Variants in ZNF148 observed in about 807,000 individuals in gnomAD.
The protein encoded by ZNF148 is Beta-Enolase Repressor Factor-1.
In ZNF148, 7 loss-of-function variants were observed where a neutral mutation model predicts 67.7. The ratio of observed to expected loss-of-function variants is 0.10; its 90% CI spans 0.06 to 0.19. The LOEUF is 0.19. Ranked by LOEUF, ZNF148 falls within the 10% of genes least tolerant of loss-of-function variation. The pLI is 1.00. For synonymous variants in ZNF148, 333 were observed against 330.7 expected (o/e 1.01, Z -0.08); for missense variants, 583 against 947.1 (o/e 0.62, Z 5.05).
At chr3:125,295,452 C>CAAA (rs547952369) in intron 4 of ZNF148, among the ~76,000 whole-genome samples, 1 of 130,304 alleles carries the variant, frequency 7.7e-6, no homozygotes, top group Non-Finnish European at 1.6e-5. Context: ...GACTCCATCT[C>CAAA]AAAAAAAAAA....
rs574003390 is a variant in ZNF148, at chr3:125,301,313, C to T, written c.333+11995G>A. On this transcript the variant is annotated intron_variant, in intron 4 of 8. Coordinates refer to ENST00000360647, the MANE Select transcript of ZNF148 (RefSeq NM_021964.3). ...TTTGAGACCAGCCTGGGTAACACAGCGAGACCCCATCACTATTAATAAAAT... is the reference window on the plus strand; with the variant it reads ...TTTGAGACCAGCCTGGGTAACACAGTGAGACCCCATCACTATTAATAAAAT... 5.5e-4 allele frequency among the ~76,000 whole-genome samples: 83 copies of T among 152,152 alleles called. 1 individual carries two copies. Among genetic ancestry groups the T allele is most frequent in the Non-Finnish European group, 7.9e-4 (54 of 68,004 alleles).
chr3:125,345,585 A>AACG (rs1941910725), intron 1 of ZNF148, among the ~76,000 whole-genome samples: 1 of 151,450 alleles, frequency 6.6e-6, no homozygotes, highest in South Asian at 2.1e-4. Context: ...CAAAACTAAC[A>AACG]ACAACAACAA....
intron 7 of ZNF148, among the ~76,000 whole-genome samples, chr3:125,265,490 C>T (rs1937513892): frequency 6.6e-6 from 1 of 152,242 alleles, no homozygotes; most frequent in Non-Finnish European, 1.5e-5. Context: ...AGTCCATTGT[C>T]TATTTCTCCT....
intron 1 of ZNF148, among the ~76,000 whole-genome samples, chr3:125,362,379 C>T (rs576066237): frequency 1.3e-5 from 2 of 152,186 alleles, no homozygotes; most frequent in Admixed American, 1.3e-4. Flanking sequence ...AACTAAACTT[C>T]TTTAATCAAT....
chr3:125,272,604 T>G (rs1348267857), intron 7 of ZNF148, among the ~76,000 whole-genome samples: 2 of 143,042 alleles, frequency 1.4e-5, no homozygotes, highest in East Asian at 3.9e-4. Flanking sequence ...TTTAATATTT[T>G]TATATATATC....
At chr3:125,319,211 A>G (rs1204524596) in intron 3 of ZNF148, among the ~76,000 whole-genome samples, 3 of 152,240 alleles carry the variant, frequency 2.0e-5, no homozygotes, top group Non-Finnish European at 4.4e-5. Context: ...CTTCTAATTT[A>G]ATGTTTCTAA....
At position 125,236,822 on chromosome 3, in the gene ZNF148, A is replaced by G. The variant is rs1026152388; in HGVS notation, c.668-2493T>C. 1.2e-4 allele frequency among the ~76,000 whole-genome samples: 18 copies of G among 152,162 alleles called. 1 individual carries two copies. Reference sequence around the variant, plus strand: ...AATTAGTACAGAATAGCTCACTTGTATACAATGGGGCTCCAAGTAAGGGTT... The same window carrying G: ...AATTAGTACAGAATAGCTCACTTGTGTACAATGGGGCTCCAAGTAAGGGTT... On this transcript the variant is annotated intron_variant, in intron 7 of 8. Coordinates refer to ENST00000360647, the MANE Select transcript of ZNF148 (RefSeq NM_021964.3).
chr3:125,328,401 T>A (rs1941122913), intron 2 of ZNF148, among the ~76,000 whole-genome samples: 1 of 152,156 alleles, frequency 6.6e-6, no homozygotes, highest in Non-Finnish European at 1.5e-5. Flanking sequence ...GACAAGAGGC[T>A]CACAAAGAAA....
intron 4 of ZNF148, among the ~76,000 whole-genome samples, chr3:125,305,191 A>T (rs1268591648): frequency 6.6e-6 from 1 of 152,240 alleles, no homozygotes; most frequent in Non-Finnish European, 1.5e-5. Context: ...AATAAAACTC[A>T]GGTGCTGCCT....
intron 1 of ZNF148, among the ~76,000 whole-genome samples, chr3:125,352,663 A>T (rs896641150): frequency 1.1e-4 from 1 of 8,776 alleles, no homozygotes; most frequent in Non-Finnish European, 2.3e-4. Flanking sequence ...CCTCTATCTT[A>T]AAAAAAAAAA....
chr3:125,357,980 ATC>A (rs544534845), intron 1 of ZNF148, among the ~76,000 whole-genome samples: 2 of 152,142 alleles, frequency 1.3e-5, no homozygotes, highest in Admixed American at 1.3e-4. Context: ...TCTCTAAACC[ATC>A]TTTCCATTTT....
intron 7 of ZNF148, among the ~76,000 whole-genome samples, chr3:125,243,527 T>A (rs567951037): frequency 1.3e-5 from 2 of 152,280 alleles, no homozygotes; most frequent in South Asian, 4.1e-4. Context: ...TGTTTCTGAT[T>A]CTTTTTTTTG....
intron 2 of ZNF148, among the ~76,000 whole-genome samples, chr3:125,330,465 C>CA (rs200643048): frequency 0.011 from 1,274 of 118,240 alleles, 12 homozygotes; most frequent in Non-Finnish European, 0.014. Flanking sequence ...AACCCTATCT[C>CA]AAAAAAAAAA....
At chr3:125,317,679 A>AGAGAGAGAGAGAGAGAGAGAG (rs61407940) in intron 3 of ZNF148, among the ~76,000 whole-genome samples, 32 of 114,762 alleles carry the variant, frequency 2.8e-4, no homozygotes, top group South Asian at 8.2e-4. Context: ...AGAGAGAGAG[A>AGAGAGAGAGAGAGAGAGAGAG]AATACATATA....
At chr3:125,326,107 A>AT (rs1447255180) in intron 2 of ZNF148, among the ~76,000 whole-genome samples, 7 of 151,974 alleles carry the variant, frequency 4.6e-5, no homozygotes, top group Non-Finnish European at 8.8e-5. Context: ...TATTGAGAAA[A>AT]TTTTTTTTGC....
intron 4 of ZNF148, among the ~76,000 whole-genome samples, chr3:125,292,172 A>G (rs1183231893): frequency 6.6e-6 from 1 of 152,196 alleles, no homozygotes; most frequent in Non-Finnish European, 1.5e-5. Flanking sequence ...AGGGAGGTGA[A>G]GCAGTACACT....
chr3:125,246,823 A>G (rs761457335), intron 7 of ZNF148, among the ~76,000 whole-genome samples: 1 of 152,202 alleles, frequency 6.6e-6, no homozygotes, highest in Non-Finnish European at 1.5e-5. Flanking sequence ...GACAATTACT[A>G]AAATAAATCC....
At chr3:125,312,361 T>C (rs1045804139) in intron 4 of ZNF148, among the ~76,000 whole-genome samples, 13 of 152,224 alleles carry the variant, frequency 8.5e-5, no homozygotes, top group African/African-American at 3.1e-4. Flanking sequence ...AGCTGGTGAA[T>C]GTATGTATCA....
intron 7 of ZNF148, among the ~76,000 whole-genome samples, chr3:125,265,566 GA>G (rs1161796298): frequency 3.9e-5 from 6 of 152,266 alleles, no homozygotes; most frequent in South Asian, 2.1e-4. Flanking sequence ...TTTCTATTGG[GA>G]TAAAGTTAGA....
Sources: gnomAD v4.1 joint callset for allele counts (sites outside exome capture counted in the v4.1 genomes callset) on GRCh38, gnomAD v4.1.1 for gene constraint, MANE v1.5 for transcripts, NCBI Gene and HGNC (gene_info 2026-07-23, HGNC 2026-07-21) for gene names.